DOCK10: variants seen among roughly 807,000 people sequenced by gnomAD.
DOCK10 encodes the protein dedicator of cytokinesis protein 10.
Under a neutral mutation model 280.1 loss-of-function variants are expected in DOCK10, and 145 were observed. The ratio of observed to expected loss-of-function variants is 0.52; its 90% CI spans 0.45 to 0.59. The LOEUF (loss-of-function observed/expected upper bound fraction) is 0.59. Ranked by LOEUF, DOCK10 falls within the 20% of genes least tolerant of loss-of-function variation. The pLI is 0.00. For missense variants in DOCK10, 2,368 were observed against 2,651.7 expected, an observed-to-expected ratio of 0.89 and a Z score of 2.35; for synonymous variants, 915 against 942.2, an observed-to-expected ratio of 0.97 and a Z score of 0.53.
chr2:224,962,467 C>G (rs1367168870), intron 1 of DOCK10, among the ~76,000 whole-genome samples: 2 of 152,072 alleles, frequency 1.3e-5, no homozygotes, highest in Non-Finnish European at 1.5e-5. Flanking sequence ...TTTCAATAAC[C>G]GATGATATCT....
rs1690452274 is a variant in DOCK10, at chr2:225,042,203, C to T, written c.123+49G>A. On this transcript the variant is annotated intron_variant, in intron 1 of 55. Transcript: ENST00000258390. The surrounding 1 kb of genome is among the most constrained non-coding windows in gnomAD (Gnocchi z 5.1). ...TTGGGGAAGCTGGGCTCCGTTCCCC[C>T]CGGGCGCCTGGGGCGCGCGGGAAGG... 1.6e-6 allele frequency: 2 copies of T among 1,230,882 alleles called. No homozygotes were observed. The highest frequency in any genetic ancestry group is 2.0e-6 in the Non-Finnish European group (2 of 987,180). 76.2% of individuals were successfully genotyped at this position (1,230,882 alleles called of 1,614,324 possible). A position where few individuals can be genotyped will look rare whatever the true frequency, so the allele number is the denominator to read the frequency against.
chr2:224,821,750 C>T (rs1383397127), intron 28 of DOCK10, among the ~76,000 whole-genome samples: 1 of 152,076 alleles, frequency 6.6e-6, no homozygotes, highest in Admixed American at 6.5e-5. Flanking sequence ...CTGAACTATA[C>T]ATAATTCTTT....
intron 1 of DOCK10, among the ~76,000 whole-genome samples, chr2:225,000,971 C>T (rs73083767): frequency 0.066 from 10,014 of 152,106 alleles, 826 homozygotes; most frequent in African/African-American, 0.19. Context: ...GAGACTCCAT[C>T]TCAAAAAGAA....
At position 224,809,241 on chromosome 2, in the gene DOCK10, G is replaced by C. The variant is rs74457892; in HGVS notation, c.3410-1155C>G. Among the ~76,000 whole-genome samples, 746 of 152,202 alleles carry C rather than the reference G, an allele frequency of 4.9e-3. 7 individuals carry two copies. Among genetic ancestry groups the C allele is most frequent in the African/African-American group, 0.017 (716 of 41,540 alleles). On this transcript the variant is annotated intron_variant, in intron 31 of 55. Transcript: ENST00000258390. The stretch of plus-strand genomic sequence containing the variant: ...TAACCATTAATAGTAGTACTTGCAC[G>C]TACAAGAAAACATAGGGAGAAAGCT...
chr2:224,929,424 G>C (rs1215981895), intron 2 of DOCK10, among the ~76,000 whole-genome samples: 1 of 152,112 alleles, frequency 6.6e-6, no homozygotes, highest in Non-Finnish European at 1.5e-5. Context: ...GAACTGTGCT[G>C]ATCTTTTACC....
intron 40 of DOCK10, among the ~76,000 whole-genome samples, chr2:224,801,282 C>G (rs1488971695): frequency 2.7e-5 from 2 of 74,640 alleles, no homozygotes; most frequent in Admixed American, 1.7e-4. Context: ...CAAGACATGG[C>G]AAAAAAAAAA....
At chr2:224,903,555 T>C (rs1336504312) in intron 3 of DOCK10, among the ~76,000 whole-genome samples, 1 of 152,194 alleles carries the variant, frequency 6.6e-6, no homozygotes, top group Non-Finnish European at 1.5e-5. Flanking sequence ...TGCACTGTAA[T>C]TTCCCAGCTA....
chr2:224,773,340 G>A lies in DOCK10; in HGVS notation c.6021C>T (p.His2007=). 1 of 1,609,778 alleles carries A rather than the reference G, an allele frequency of 6.2e-7. No homozygotes were observed. The highest frequency in any genetic ancestry group is 8.5e-7 in the Non-Finnish European group (1 of 1,178,102). ...CKRRTILTTS[H]LFPYVKKRIQ... is the part of the protein sequence containing the mutation. ...TTCTCTTCTTCACGTAGGGGAACAG[G>A]TGACTCGCTGTACAAAAGCCATACA... Residue 2007 remains histidine (H), a synonymous_variant, in exon 53 of 56, where the codon CAC becomes CAT. Transcript: ENST00000258390.
At chr2:224,830,396 A>G (rs1695148762) in intron 27 of DOCK10, 145 bp downstream of exon 27, 1 of 427,924 alleles carries the variant, frequency 2.3e-6, no homozygotes, top group Admixed American at 4.2e-5. Flanking sequence ...GTACACAATC[A>G]TTTCTTCTAC....
intron 1 of DOCK10, among the ~76,000 whole-genome samples, chr2:225,037,818 CA>C (rs1690302475): frequency 6.6e-6 from 1 of 152,198 alleles, no homozygotes; most frequent in Non-Finnish European, 1.5e-5. Flanking sequence ...CTCATTCTTT[CA>C]GCCTTTGATC....
At chr2:224,830,951 T>TA (rs1559509263) in intron 26 of DOCK10, among the ~76,000 whole-genome samples, 20 of 151,818 alleles carry the variant, frequency 1.3e-4, no homozygotes, top group African/African-American at 1.9e-4. Context: ...TTTATTTATT[T>TA]TTTGAGACAG....
chr2:225,023,419 T>A (rs1413919893), intron 1 of DOCK10, among the ~76,000 whole-genome samples: 1 of 151,990 alleles, frequency 6.6e-6, no homozygotes, highest in East Asian at 1.9e-4. Flanking sequence ...CACAAAATTG[T>A]CAGATGGGGA....
chr2:224,925,048 T>C (rs1280280591), intron 2 of DOCK10, among the ~76,000 whole-genome samples: 1 of 152,174 alleles, frequency 6.6e-6, no homozygotes. Flanking sequence ...CAAAGACTAT[T>C]ACTCAGTTTT....
intron 2 of DOCK10, among the ~76,000 whole-genome samples, chr2:224,923,191 A>G (rs1174210439): frequency 6.6e-6 from 1 of 152,222 alleles, no homozygotes; most frequent in East Asian, 1.9e-4. Flanking sequence ...CAAATATACA[A>G]ATAATGAACA....
At chr2:224,856,647 T>C (rs1483173767) in intron 15 of DOCK10, among the ~76,000 whole-genome samples, 1 of 152,216 alleles carries the variant, frequency 6.6e-6, no homozygotes, top group Non-Finnish European at 1.5e-5. Flanking sequence ...CAGCAGTAAA[T>C]AACTGACATA....
intron 1 of DOCK10, among the ~76,000 whole-genome samples, chr2:225,037,024 A>C (rs1690280111): frequency 6.6e-6 from 1 of 152,190 alleles, no homozygotes; most frequent in African/African-American, 2.4e-5. Context: ...GAATGTGAAA[A>C]AAGAATCCCA....
rs559066487 is a variant in DOCK10 at position 224,883,274 on chromosome 2, T to C, written c.747+2397A>G. 1.2e-4 allele frequency among the ~76,000 whole-genome samples: 19 copies of C among 152,302 alleles called. No individual in the cohort carries two copies. In the South Asian group the frequency reaches 3.9e-3, roughly 32 times the overall value. On this transcript the variant is annotated intron_variant, in intron 7 of 55. Coordinates refer to ENST00000258390, the MANE Select transcript of DOCK10 (RefSeq NM_014689.3). ...GCAAGTAGCGATGCCCCTCTCTGAT[T>C]CTGACTTCAATAAAGAATTGACTTC...
At chr2:225,019,259 A>T (rs1319450183) in intron 1 of DOCK10, among the ~76,000 whole-genome samples, 1 of 152,026 alleles carries the variant, frequency 6.6e-6, no homozygotes, top group Admixed American at 6.6e-5. Flanking sequence ...GAATGAGTAA[A>T]GGCTGTCACC....
intron 1 of DOCK10, among the ~76,000 whole-genome samples, chr2:225,016,693 G>GTA (rs554159096): frequency 1.4e-5 from 2 of 144,206 alleles, no homozygotes; most frequent in Admixed American, 6.9e-5. Context: ...AGATATATGT[G>GTA]TATATATATA....
Sources: allele counts gnomAD v4.1 joint callset (sites outside exome capture counted in the v4.1 genomes callset), GRCh38; gene constraint gnomAD v4.1.1; non-coding constraint Gnocchi (gnomAD v3.1); transcripts MANE v1.5; gene names NCBI Gene and HGNC (gene_info 2026-07-23, HGNC 2026-07-21).